Variants in TAFA1 observed in about 807,000 individuals in gnomAD.
TAFA1 encodes the protein TAFA chemokine like family member 1.
Under a neutral mutation model 18.5 loss-of-function variants are expected in TAFA1, and 4 were observed. The ratio of observed to expected loss-of-function variants is 0.22; its 90% confidence interval spans 0.11 to 0.49. TAFA1 has a LOEUF of 0.49. Ranked by LOEUF, TAFA1 falls within the 20% of genes least tolerant of loss-of-function variation. The pLI is 0.98. For missense variants in TAFA1, 147 were observed against 169.0 expected, an observed-to-expected ratio of 0.87 and a Z score of 0.72; for synonymous variants, 56 against 55.2, an observed-to-expected ratio of 1.01 and a Z score of -0.06.
chr3:68,365,747 C>T (rs886193117), intron 2 of TAFA1, among the ~76,000 whole-genome samples: 30 of 152,112 alleles, frequency 2.0e-4, no homozygotes, highest in Non-Finnish European at 3.7e-4. Flanking sequence ...TACATGATAG[C>T]AGCCAAGAGA....
chr3:68,358,097 A>G (rs1482806577), intron 2 of TAFA1, among the ~76,000 whole-genome samples: 1 of 151,940 alleles, frequency 6.6e-6, no homozygotes, highest in Admixed American at 6.6e-5. Context: ...GTTTATTCTT[A>G]TTATAGCAAT....
chr3:68,271,321 A>T (rs541560708), intron 2 of TAFA1, among the ~76,000 whole-genome samples: 3 of 152,068 alleles, frequency 2.0e-5, no homozygotes, highest in African/African-American at 7.2e-5. Flanking sequence ...CTAGGATCAC[A>T]TTTCACAGGC....
chr3:68,351,409 T>A (rs1484235071), intron 2 of TAFA1, among the ~76,000 whole-genome samples: 2 of 152,082 alleles, frequency 1.3e-5, no homozygotes, highest in Admixed American at 6.6e-5. Context: ...TCTTAGTGTA[T>A]TAAGCAGATT....
intron 2 of TAFA1, among the ~76,000 whole-genome samples, chr3:68,208,078 A>G (rs2066547858): frequency 6.6e-6 from 1 of 151,968 alleles, no homozygotes; most frequent in Admixed American, 6.6e-5. Flanking sequence ...CATTGTATGA[A>G]AAAAGAGAAG....
chr3:68,159,387 CG>C (rs372076715), intron 2 of TAFA1, among the ~76,000 whole-genome samples: 27 of 152,196 alleles, frequency 1.8e-4, no homozygotes, highest in African/African-American at 6.3e-4. Flanking sequence ...GTGGTATTAA[CG>C]GGAGACTTTG....
In TAFA1 at chr3:68,083,438, A is replaced by G. The variant is rs917431727; in HGVS notation, c.118+76694A>G. On this transcript the variant is annotated intron_variant, in intron 2 of 4. Coordinates refer to ENST00000478136, the MANE Select transcript of TAFA1 (RefSeq NM_213609.4). ...GAGGGAAGAACTCCACAAAGTGATCATTATGTGTGAACACTGAGATTATAG... is the reference window on the plus strand; with the variant it reads ...GAGGGAAGAACTCCACAAAGTGATCGTTATGTGTGAACACTGAGATTATAG... Among the ~76,000 whole-genome samples, 3 of 152,252 alleles carry G rather than the reference A, an allele frequency of 2.0e-5. No individual in the cohort carries two copies. The East Asian group carries it at 5.8e-4, about 29-fold the overall frequency.
chr3:68,251,077 G>GA (rs34377293), intron 2 of TAFA1, among the ~76,000 whole-genome samples: 2,535 of 145,282 alleles, frequency 0.017, 67 homozygotes, highest in East Asian at 0.13. Flanking sequence ...TGTTAATCAA[G>GA]AAAAAAAAAC....
At chr3:68,320,276 C>G (rs145753297) in intron 2 of TAFA1, among the ~76,000 whole-genome samples, 2 of 152,232 alleles carry the variant, frequency 1.3e-5, no homozygotes, top group Admixed American at 6.5e-5. Context: ...TTGTATCTTC[C>G]CCTCCAAGTT....
At chr3:68,245,262 C>T (rs1303595223) in intron 2 of TAFA1, among the ~76,000 whole-genome samples, 1 of 152,188 alleles carries the variant, frequency 6.6e-6, no homozygotes, top group Non-Finnish European at 1.5e-5. Flanking sequence ...GAGCATCTAG[C>T]ACAGTTTTGC....
At chr3:68,223,138 G>C (rs1014488480) in intron 2 of TAFA1, among the ~76,000 whole-genome samples, 7 of 152,152 alleles carry the variant, frequency 4.6e-5, no homozygotes, top group Non-Finnish European at 8.8e-5. Context: ...CAGAGTGGGT[G>C]AACATCTTTC....
At chr3:68,085,241 G>A (rs1169618079) in intron 2 of TAFA1, among the ~76,000 whole-genome samples, 1 of 152,118 alleles carries the variant, frequency 6.6e-6, no homozygotes, top group Admixed American at 6.5e-5. Context: ...GGGATTCTGT[G>A]GTTAAAGAAA....
At chr3:68,064,681 G>T (rs2064650902) in intron 2 of TAFA1, among the ~76,000 whole-genome samples, 1 of 151,754 alleles carries the variant, frequency 6.6e-6, no homozygotes, top group Non-Finnish European at 1.5e-5. Flanking sequence ...GTCCAAGAAA[G>T]CTTCTTAACT....
intron 2 of TAFA1, among the ~76,000 whole-genome samples, chr3:68,080,799 G>A (rs574875755): frequency 6.6e-6 from 1 of 152,126 alleles, no homozygotes; most frequent in South Asian, 2.1e-4. Context: ...TCTTGGAGTT[G>A]GTCTTCTCGA....
chr3:68,186,185 CTT>C (rs1343133195), intron 2 of TAFA1, among the ~76,000 whole-genome samples: 1 of 152,006 alleles, frequency 6.6e-6, no homozygotes, highest in Non-Finnish European at 1.5e-5. Context: ...TCTTGAGGGT[CTT>C]TTATAATACA....
chr3:68,350,179 C>T (rs576315675), intron 2 of TAFA1, among the ~76,000 whole-genome samples: 77 of 152,232 alleles, frequency 5.1e-4, no homozygotes, highest in Middle Eastern at 3.4e-3. Context: ...GCGCCTCAAT[C>T]GGCTTTGTTT....
intron 3 of TAFA1, among the ~76,000 whole-genome samples, chr3:68,529,778 C>G (rs1475491324): frequency 1.3e-5 from 2 of 152,126 alleles, no homozygotes; most frequent in Non-Finnish European, 2.9e-5. Context: ...GGTGAGAATT[C>G]ACTCACCCTC....
intron 2 of TAFA1, among the ~76,000 whole-genome samples, chr3:68,042,140 T>C (rs917018821): frequency 1.3e-5 from 2 of 152,180 alleles, no homozygotes; most frequent in African/African-American, 4.8e-5. Context: ...TCCTCACCCC[T>C]CCACTTTCAG....
chr3:68,022,830 A>AATATATATATTAT (rs1704722666), intron 2 of TAFA1, among the ~76,000 whole-genome samples: 9 of 54,818 alleles, frequency 1.6e-4, no homozygotes, highest in African/African-American at 6.1e-4. Context: ...TATTATATAT[A>AATATATATATTAT]ATATATATAT....
At chr3:68,250,698 C>T (rs898680797) in intron 2 of TAFA1, 15 of 150,660 alleles carry the variant, frequency 1.0e-4, no homozygotes, top group Admixed American at 2.0e-4. Context: ...ATTACTTGAG[C>T]GGGGATTTAG....
Sources: allele counts gnomAD v4.1 joint callset (sites outside exome capture counted in the v4.1 genomes callset), GRCh38; gene constraint gnomAD v4.1.1; transcripts MANE v1.5; gene names NCBI Gene and HGNC (gene_info 2026-07-23, HGNC 2026-07-21).